Variants in BLTP1 observed in about 807,000 individuals in gnomAD.
BLTP1 encodes the protein bridge-like lipid transfer protein family member 1, also known as fragile site-associated protein.
chr4:122,201,385 A>G, the BLTP1 span, among the ~76,000 whole-genome samples: 1 of 152,192 alleles, frequency 6.6e-6, no homozygotes, highest in African/African-American at 2.4e-5. Flanking sequence ...GCTGCTTTGT[A>G]TCAGTCTAGT....
At chr4:122,274,115 G>T in the BLTP1 span, among the ~76,000 whole-genome samples, 7 of 151,948 alleles carry the variant, frequency 4.6e-5, no homozygotes, top group African/African-American at 1.7e-4. Flanking sequence ...TGTATATTTT[G>T]CATTATTGCA....
the BLTP1 span, chr4:122,209,251 G>C: frequency 6.2e-7 from 1 of 1,612,760 alleles, no homozygotes; most frequent in Non-Finnish European, 8.5e-7. Context: ...ATCCAAATAA[G>C]ATGATTCATG....
At chr4:122,289,535 A>G in the BLTP1 span, 4 of 984,108 alleles carry the variant, frequency 4.1e-6, no homozygotes, top group Non-Finnish European at 3.6e-6. Context: ...CCTTTTGTCT[A>G]TACCAGATGA....
the BLTP1 span, chr4:122,246,361 C>G: frequency 7.4e-7 from 1 of 1,351,960 alleles, no homozygotes; most frequent in Non-Finnish European, 1.0e-6. Flanking sequence ...GGTGTTTGTC[C>G]TTTTCAGTTA....
the BLTP1 span, among the ~76,000 whole-genome samples, chr4:122,321,979 A>ATTTTTTT: frequency 3.7e-5 from 1 of 27,018 alleles, no homozygotes. Context: ...ACTACATGTA[A>ATTTTTTT]TTTTTTTTTT....
the BLTP1 span, chr4:122,189,808 A>G: frequency 4.4e-6 from 4 of 907,174 alleles, no homozygotes; most frequent in Admixed American, 6.2e-5. Context: ...CATAGAATAA[A>G]ACATGGAACA....
the BLTP1 span, among the ~76,000 whole-genome samples, chr4:122,230,888 A>AT: frequency 6.6e-6 from 1 of 152,070 alleles, no homozygotes; most frequent in Non-Finnish European, 1.5e-5. Context: ...ATTTTGCTGT[A>AT]TTTTTTTAAT....
At chr4:122,264,540 A>G in the BLTP1 span, 15 of 893,372 alleles carry the variant, frequency 1.7e-5, no homozygotes, top group African/African-American at 1.4e-4. Flanking sequence ...TACCTTACCT[A>G]TCTGCCTACA....
chr4:122,257,816 A>G, the BLTP1 span, among the ~76,000 whole-genome samples: 2 of 152,210 alleles, frequency 1.3e-5, no homozygotes. Flanking sequence ...AGTGATAATG[A>G]TTAGGAATCT....
At chr4:122,347,095 T>C in the BLTP1 span, 1 of 978,618 alleles carries the variant, frequency 1.0e-6, no homozygotes, top group Non-Finnish European at 1.2e-6. Context: ...TCTGTAATCC[T>C]TTTAAATATC....
At chr4:122,293,942 A>G in the BLTP1 span, among the ~76,000 whole-genome samples, 1 of 152,092 alleles carries the variant, frequency 6.6e-6, no homozygotes, top group Non-Finnish European at 1.5e-5. Flanking sequence ...CACAGCTGCT[A>G]TGCCAGATTG....
At chr4:122,246,421 T>G in the BLTP1 span, 1 of 1,095,230 alleles carries the variant, frequency 9.1e-7, no homozygotes, top group South Asian at 2.1e-5. Context: ...AAATATGTTT[T>G]ATTTCTATGA....
chr4:122,296,742 G>A, the BLTP1 span, among the ~76,000 whole-genome samples: 1 of 152,070 alleles, frequency 6.6e-6, no homozygotes, highest in African/African-American at 2.4e-5. Context: ...AAACAGAATA[G>A]AGAACTCAGA....
At chr4:122,210,133 T>C in the BLTP1 span, 1 of 399,252 alleles carries the variant, frequency 2.5e-6, no homozygotes, top group South Asian at 1.1e-4. Context: ...TTCTATTATC[T>C]TCTATTATGT....
the BLTP1 span, chr4:122,153,919 C>G: frequency 1.2e-6 from 1 of 802,828 alleles, no homozygotes; most frequent in African/African-American, 1.9e-5. Flanking sequence ...AGAGTTTCGT[C>G]CTGTTTGTGC....
the BLTP1 span, chr4:122,298,716 G>A: frequency 1.0e-4 from 43 of 426,970 alleles, no homozygotes; most frequent in South Asian, 1.9e-3. Flanking sequence ...GAATGAAGAA[G>A]TTAAGTAGTA....
chr4:122,361,518 T>C, the BLTP1 span, among the ~76,000 whole-genome samples: 1 of 152,288 alleles, frequency 6.6e-6, no homozygotes, highest in Admixed American at 6.5e-5. Flanking sequence ...TTACTTCCTC[T>C]GTTAACTTTG....
chr4:122,260,236 C>A, the BLTP1 span, among the ~76,000 whole-genome samples: 1 of 152,116 alleles, frequency 6.6e-6, no homozygotes, highest in Admixed American at 6.5e-5. Context: ...AGAAAAGATA[C>A]AGTAAAAATA....
At chr4:122,230,347 C>G in the BLTP1 span, 1 of 701,360 alleles carries the variant, frequency 1.4e-6, no homozygotes, top group South Asian at 1.9e-5. Context: ...GCTGCTGCAC[C>G]TCAATGAATA....
Sources: gnomAD v4.1 joint callset for allele counts (sites outside exome capture counted in the v4.1 genomes callset) on GRCh38, gnomAD v4.1.1 for gene constraint, MANE v1.5 for transcripts, NCBI Gene and HGNC (gene_info 2026-07-23, HGNC 2026-07-21) for gene names.